TMPO: variants seen among roughly 807,000 people sequenced by gnomAD.
TMPO encodes LEM domain containing 4.
A neutral mutation model predicts 45.4 loss-of-function variants in TMPO; 22 were observed. That is an observed-to-expected ratio of 0.48 (90% CI 0.35 to 0.69). The LOEUF (loss-of-function observed/expected upper bound fraction) is 0.69, where lower values mean the gene tolerates loss of function less well. TMPO is among the 30% of genes least tolerant of loss of function. The probability of loss-of-function intolerance (pLI) is 0.01; values close to 1 mark genes in which losing one functional copy is unlikely to be tolerated. For missense variants in TMPO, 512 were observed against 548.8 expected (o/e 0.93, Z 0.67); for synonymous variants, 241 against 204.1 (o/e 1.18, Z -1.54).
Position 98,544,509 on chromosome 12 carries a change from C to A in TMPO, c.851C>A (p.Thr284Asn). ...TCAGAGAGTACTCCCATAGCTGAAA[C>A]TATAATGGCTTCAAGCAACGAATCC... ...VISESTPIAE[T>N]IMASSNESLV... The change falls in exon 6 of 9, where the codon ACT becomes AAT. Residue 284 changes from threonine to asparagine, a missense_variant. Transcript: ENST00000556029. The A allele has an allele frequency of 6.2e-7, 1 of 1,613,564 alleles. No individual in the cohort carries two copies. The highest frequency in any genetic ancestry group is 8.5e-7 in the Non-Finnish European group (1 of 1,179,650).
rs1431399584 is a variant in TMPO at position 98,544,551 on chromosome 12, A to G, written c.879+14A>G. On this transcript the variant is annotated intron_variant, in intron 6 of 8. Coordinates refer to ENST00000556029, the MANE Select transcript of TMPO (RefSeq NM_001032283.3). Reference sequence around the variant, plus strand: ...AACGAATCCTTAGTAAATATGTTTCATAAACTATACAAGTGGTATTCTTTG... The same window carrying G: ...AACGAATCCTTAGTAAATATGTTTCGTAAACTATACAAGTGGTATTCTTTG... 3 of 1,592,262 alleles carry G rather than the reference A, an allele frequency of 1.9e-6. No homozygotes were observed. In the South Asian group the frequency reaches 3.3e-5, roughly 18 times the overall value.
chr12:98,518,731 AT>A (rs35183227), intron 1 of TMPO, among the ~76,000 whole-genome samples: 9,641 of 152,148 alleles, frequency 0.063, 401 homozygotes, highest in African/African-American at 0.11. Flanking sequence ...AATTAAGATT[AT>A]CCAGCAATTT....
At position 98,539,178 on chromosome 12, in the gene TMPO, C is replaced by T. The variant is rs375931431; in HGVS notation, c.663+1606C>T. Among the ~76,000 whole-genome samples, 580 of 151,668 alleles carry T rather than the reference C, an allele frequency of 3.8e-3. 2 individuals carry two copies. Among genetic ancestry groups the T allele is most frequent in the South Asian group, 0.036 (171 of 4,798 alleles). ...TCGCGCCATTGCACTCTAGCCTGGG[C>T]AACAAGAGCGAAACTCTGTCTCAAA... On this transcript the variant is annotated intron_variant, in intron 4 of 8. Transcript: ENST00000556029.
intron 1 of TMPO, among the ~76,000 whole-genome samples, chr12:98,521,786 G>A (rs754753536): frequency 4.6e-5 from 7 of 152,174 alleles, no homozygotes; most frequent in Admixed American, 1.3e-4. Context: ...CTGGAGTGCA[G>A]TGGCGCGATC....
chr12:98,526,909 G>A (rs925957852), intron 1 of TMPO, among the ~76,000 whole-genome samples: 2 of 151,828 alleles, frequency 1.3e-5, no homozygotes, highest in Admixed American at 1.3e-4. Flanking sequence ...AGTGAGCCAA[G>A]ATTGCACCGC....
rs563875071 is a variant in TMPO at position 98,528,540 on chromosome 12, G to A, written c.406+528G>A. ...GATCCGCCTGCCTCGGCCTCCCAAA[G>A]TGCTGGGATTACAGGTGTGAGCCAC... On this transcript the variant is annotated intron_variant, in intron 2 of 8. Coordinates refer to ENST00000556029, the MANE Select transcript of TMPO (RefSeq NM_001032283.3). Among the ~76,000 whole-genome samples, 27 of 151,966 alleles carry A rather than the reference G, an allele frequency of 1.8e-4. No homozygotes were observed. The South Asian group carries it at 5.7e-3, about 32-fold the overall frequency.
chr12:98,520,173 T>C (rs1002897570), intron 1 of TMPO, among the ~76,000 whole-genome samples: 1 of 152,096 alleles, frequency 6.6e-6, no homozygotes, highest in Non-Finnish European at 1.5e-5. Flanking sequence ...TTGGCCAGGC[T>C]GGTCTCAAAC....
At chr12:98,537,830 T>C (rs1298068365) in intron 4 of TMPO, 2 of 550,496 alleles carry the variant, frequency 3.6e-6, no homozygotes, top group African/African-American at 3.7e-5. Context: ...AGTTATATGG[T>C]GTTTTGAAAG....
At chr12:98,537,387 A>T in intron 3 of TMPO, 88 bp from the exon 4 acceptor site, 1 of 1,154,716 alleles carries the variant, frequency 8.7e-7, no homozygotes. Flanking sequence ...TAATGTGCCT[A>T]AAACCAGGGT....
intron 3 of TMPO, among the ~76,000 whole-genome samples, chr12:98,536,117 C>A (rs1372344140): frequency 9.2e-5 from 14 of 152,036 alleles, no homozygotes; most frequent in Non-Finnish European, 2.1e-4. Flanking sequence ...TTTTTGGGAA[C>A]CTGCAAGTAT....
Position 98,526,890 on chromosome 12 carries a change from G to A in TMPO, c.280-996G>A, listed in dbSNP as rs982884919. Among the ~76,000 whole-genome samples the A allele has an allele frequency of 1.8e-4, 28 of 152,092 alleles. No homozygotes were observed. In the South Asian group the frequency reaches 2.1e-3, roughly 11 times the overall value. On this transcript the variant is annotated intron_variant, in intron 1 of 8. Transcript: ENST00000556029. ...GGAGAATCGCTTGAACCCGGGAGTC[G>A]GAGGTTGCAGTGAGCCAAGATTGCA...
At chr12:98,532,802 C>T in intron 3 of TMPO, 1 of 1,614,092 alleles carries the variant, frequency 6.2e-7, no homozygotes, top group Non-Finnish European at 8.5e-7. Flanking sequence ...CTTAAACTTC[C>T]TGCCTCTTTT....
At chr12:98,536,587 G>C (rs1328879111) in intron 3 of TMPO, among the ~76,000 whole-genome samples, 1 of 152,136 alleles carries the variant, frequency 6.6e-6, no homozygotes, top group Non-Finnish European at 1.5e-5. Flanking sequence ...CTGACCTCAG[G>C]TGATCCGCCC....
chr12:98,533,641 A>C (rs1281446000), intron 3 of TMPO: 2 of 1,614,202 alleles, frequency 1.2e-6, no homozygotes, highest in Non-Finnish European at 1.7e-6. Context: ...TTCTTTTGCC[A>C]AAACTGTTGT....
At chr12:98,516,645 C>T in intron 1 of TMPO, 1 of 686,776 alleles carries the variant, frequency 1.5e-6, no homozygotes, top group Non-Finnish European at 1.8e-6. Flanking sequence ...AAATTCCCGC[C>T]TTTTTATACT....
At chr12:98,540,373 GTTGTTGTTT>G (rs1877841108) in intron 4 of TMPO, among the ~76,000 whole-genome samples, 1 of 152,046 alleles carries the variant, frequency 6.6e-6, no homozygotes, top group Non-Finnish European at 1.5e-5. Flanking sequence ...CTTTGTTGTT[GTTGTTGTTT>G]TTGTTTTTGT....
chr12:98,518,145 C>CAAAAA (rs35978276), intron 1 of TMPO, among the ~76,000 whole-genome samples: 1 of 98,318 alleles, frequency 1.0e-5, no homozygotes, highest in Non-Finnish European at 2.3e-5. Flanking sequence ...GACTTCGTCT[C>CAAAAA]AAAAAAAAAA....
chr12:98,540,578 G>A (rs1261929063), intron 4 of TMPO, among the ~76,000 whole-genome samples: 2 of 151,978 alleles, frequency 1.3e-5, no homozygotes, highest in East Asian at 1.9e-4. Flanking sequence ...GGGTTTCTCC[G>A]TGTTGGTCAG....
intron 1 of TMPO, among the ~76,000 whole-genome samples, chr12:98,524,527 G>T (rs1345768936): frequency 2.0e-5 from 3 of 151,936 alleles, no homozygotes. Context: ...AAGGCAAGAT[G>T]GCGCTACTGC....
Sources: gnomAD v4.1 joint callset for allele counts (sites outside exome capture counted in the v4.1 genomes callset) on GRCh38, gnomAD v4.1.1 for gene constraint, MANE v1.5 for transcripts, NCBI Gene and HGNC (gene_info 2026-07-23, HGNC 2026-07-21) for gene names.